GUCY2C: variants seen among roughly 807,000 people sequenced by gnomAD.
The protein encoded by GUCY2C is guanylyl cyclase C.
A neutral mutation model predicts 131.1 loss-of-function variants in GUCY2C; 118 were observed. The ratio of observed to expected loss-of-function variants is 0.90; its 90% CI spans 0.78 to 1.05. The LOEUF is 1.05. GUCY2C is among the 50% of genes least tolerant of loss of function. The pLI, the probability that GUCY2C is intolerant of heterozygous loss-of-function variation, is 0.00. For synonymous variants in GUCY2C, 452 were observed against 457.8 expected, an observed-to-expected ratio of 0.99 and a Z score of 0.16; for missense variants, 1,161 against 1,304.4, an observed-to-expected ratio of 0.89 and a Z score of 1.69.
chr12:14,673,874 G>A (rs1434632537), intron 8 of GUCY2C, among the ~76,000 whole-genome samples: 1 of 152,130 alleles, frequency 6.6e-6, no homozygotes, highest in African/African-American at 2.4e-5. Context: ...AAGCAGAAGT[G>A]ATCTCTTCCT....
intron 16 of GUCY2C, among the ~76,000 whole-genome samples, chr12:14,643,982 G>A (rs188877363): frequency 6.6e-6 from 1 of 152,122 alleles, no homozygotes; most frequent in African/African-American, 2.4e-5. Context: ...GAGGCAAAGG[G>A]TTGATTTTTT....
At chr12:14,664,207 G>A (rs1947923998) in intron 10 of GUCY2C, among the ~76,000 whole-genome samples, 1 of 152,062 alleles carries the variant, frequency 6.6e-6, no homozygotes, top group Admixed American at 6.6e-5. Context: ...TTGCATTATG[G>A]GCACATTTAA....
At chr12:14,649,764 CG>C (rs968866108) in intron 15 of GUCY2C, among the ~76,000 whole-genome samples, 2 of 152,110 alleles carry the variant, frequency 1.3e-5, no homozygotes, top group African/African-American at 4.8e-5. Context: ...AAATTAGAAA[CG>C]TTTTTCACAT....
At chr12:14,646,022 G>T (rs1168590503) in intron 15 of GUCY2C, among the ~76,000 whole-genome samples, 2 of 151,990 alleles carry the variant, frequency 1.3e-5, no homozygotes, top group African/African-American at 4.8e-5. Flanking sequence ...TTTTACTAGA[G>T]ACGGGGTTTC....
At chr12:14,680,105 A>G (rs1948320469) in intron 5 of GUCY2C, among the ~76,000 whole-genome samples, 1 of 66,340 alleles carries the variant, frequency 1.5e-5, no homozygotes, top group East Asian at 4.2e-4. Flanking sequence ...TGGAGTAATT[A>G]CAGAATATAT....
chr12:14,656,057 G>A (rs1413386186), intron 12 of GUCY2C, among the ~76,000 whole-genome samples: 2 of 152,196 alleles, frequency 1.3e-5, no homozygotes, highest in African/African-American at 4.8e-5. Flanking sequence ...GGTAAATGGA[G>A]TAAGTTATTA....
intron 8 of GUCY2C, chr12:14,674,236 A>G (rs573218197): frequency 3.7e-6 from 1 of 268,270 alleles, no homozygotes; most frequent in East Asian, 8.5e-5. Flanking sequence ...AGGTTTTAAC[A>G]CAGGGTCCCA....
chr12:14,674,371 T>C, intron 8 of GUCY2C: 1 of 503,114 alleles, frequency 2.0e-6, no homozygotes, highest in South Asian at 2.1e-5. Context: ...ATGAGCTTGT[T>C]CATAAGTACA....
At chr12:14,621,908 A>G (rs1205014296) in intron 22 of GUCY2C, 97 bp downstream of exon 22, 5 of 757,564 alleles carry the variant, frequency 6.6e-6, no homozygotes, top group Non-Finnish European at 8.5e-6. Flanking sequence ...ATGTGAAACT[A>G]GAGCGGTCAA....
rs1246671723 is a variant in GUCY2C, at chr12:14,674,613, G to A, written c.1084+12C>T. 1.9e-6 allele frequency: 3 copies of A among 1,612,608 alleles called. No homozygotes were observed. Among genetic ancestry groups the A allele is most frequent in the Non-Finnish European group, 8.5e-7 (1 of 1,178,938 alleles). ...TTCACCTTGGGGTTATTTGCTCTTA[G>A]TAGACCAGTACCTTCAAAAGTGAGA... On this transcript the variant is annotated intron_variant, in intron 8 of 26. Coordinates refer to ENST00000261170, the MANE Select transcript of GUCY2C (RefSeq NM_004963.4).
At chr12:14,643,880 C>T (rs1947458564) in intron 16 of GUCY2C, among the ~76,000 whole-genome samples, 174 bp from the exon 17 acceptor site, 1 of 151,710 alleles carries the variant, frequency 6.6e-6, no homozygotes. Context: ...CTAATATTTG[C>T]CTACACTTTA....
Position 14,659,338 on chromosome 12 carries a change from C to T in GUCY2C, c.1364+1643G>A, listed in dbSNP as rs11056085. Reference sequence around the variant, plus strand: ...GATTACAGGTGTGAGCCACTGTGTTCGGCCACCAACATTATTTCTTAGCTG... The same window carrying T: ...GATTACAGGTGTGAGCCACTGTGTTTGGCCACCAACATTATTTCTTAGCTG... On this transcript the variant is annotated intron_variant, in intron 11 of 26. Transcript: ENST00000261170. Among the ~76,000 whole-genome samples, 208 of 152,170 alleles carry T rather than the reference C, an allele frequency of 1.4e-3. 2 individuals carry two copies. In the South Asian group the frequency reaches 0.017, roughly 13 times the overall value.
intron 17 of GUCY2C, 136 bp downstream of exon 17, chr12:14,643,438 G>T: frequency 1.4e-6 from 1 of 707,078 alleles, no homozygotes. Flanking sequence ...TGAAGTTCTG[G>T]AGAATGAGCC....
chr12:14,686,152 ATTAC>A lies in GUCY2C; in HGVS notation c.395+5_395+8del, dbSNP rs1238822170. The A allele has an allele frequency of 1.3e-6, 2 of 1,538,552 alleles. No homozygotes were observed. The highest frequency in any genetic ancestry group is 1.4e-5 in the African/African-American group (1 of 73,456). On this transcript the variant is annotated splice_donor_5th_base_variant and intron_variant, in intron 3 of 26. Coordinates refer to ENST00000261170, the MANE Select transcript of GUCY2C (RefSeq NM_004963.4). Reference sequence around the variant, plus strand: ...TGTCCTGACTTCAGTTCACAGTAGTATTACTTACTACATCTGGAAGGTGGAGTAT... The same window carrying A: ...TGTCCTGACTTCAGTTCACAGTAGTATTACTACATCTGGAAGGTGGAGTAT...
intron 15 of GUCY2C, among the ~76,000 whole-genome samples, chr12:14,646,056 G>A (rs562623458): frequency 4.0e-4 from 61 of 152,036 alleles, no homozygotes; most frequent in Middle Eastern, 6.8e-3. Context: ...GGCTGATCTC[G>A]AACTCCTGGC....
chr12:14,620,344 G>A (rs769380168), intron 23 of GUCY2C, among the ~76,000 whole-genome samples: 2 of 152,170 alleles, frequency 1.3e-5, no homozygotes, highest in Non-Finnish European at 2.9e-5. Context: ...GGAACACAGA[G>A]GTTTGACCAA....
intron 15 of GUCY2C, among the ~76,000 whole-genome samples, 164 bp from the exon 16 acceptor site, chr12:14,645,479 C>A (rs1345983728): frequency 6.6e-6 from 1 of 152,124 alleles, no homozygotes; most frequent in Non-Finnish European, 1.5e-5. Context: ...TTTTCCTTTT[C>A]TGCATAAGAA....
At position 14,669,767 on chromosome 12, in the gene GUCY2C, A is replaced by G. The variant is rs1326631760; in HGVS notation, c.1237T>C (p.Phe413Leu). The change falls in exon 10 of 27, where the codon TTC becomes CTC. Residue 413 changes from phenylalanine (F) to leucine (L), a missense_variant. Phe to Leu is a conservative substitution (Grantham distance 22). Coordinates refer to ENST00000261170, the MANE Select transcript of GUCY2C (RefSeq NM_004963.4). ...GGAAGTTTAGAGTTCTTCCAAGTGA[A>G]TGTGGGGCTCATATCCACAGGATAG... ...KTYPVDMSPT[F>L]TWKNSKLPND... 6.2e-7 allele frequency: 1 copy of G among 1,606,594 alleles called. No homozygotes were observed. Among genetic ancestry groups the G allele is most frequent in the African/African-American group, 1.3e-5 (1 of 74,866 alleles).
In GUCY2C at chr12:14,654,651, T is replaced by C. The variant is rs1338503094; in HGVS notation, c.1471-1637A>G. ...GGAATATTTATATTTTAAGAAAACA[T>C]ACGGTGACACATGTTTTGGGCTTAC... On this transcript the variant is annotated intron_variant, in intron 12 of 26. Coordinates refer to ENST00000261170, the MANE Select transcript of GUCY2C (RefSeq NM_004963.4). 2.0e-5 allele frequency among the ~76,000 whole-genome samples: 3 copies of C among 152,138 alleles called. No individual in the cohort carries two copies. In the East Asian group the frequency reaches 5.8e-4, roughly 29 times the overall value.
Sources: gnomAD v4.1 joint callset for allele counts (sites outside exome capture counted in the v4.1 genomes callset) on GRCh38, gnomAD v4.1.1 for gene constraint, MANE v1.5 for transcripts, NCBI Gene and HGNC (gene_info 2026-07-23, HGNC 2026-07-21) for gene names.